GAPVD1: variants seen among roughly 807,000 people sequenced by gnomAD.
GAPVD1 encodes GTPase activating protein and VPS9 domains 1, also known as GTPase-activating protein and VPS9 domain-containing protein 1.
Under a neutral mutation model 155.5 loss-of-function variants are expected in GAPVD1, and 35 were observed. The ratio of observed to expected loss-of-function variants is 0.23; its 90% confidence interval spans 0.17 to 0.30. The LOEUF is 0.30. GAPVD1 is among the 10% of genes least tolerant of loss of function. The pLI is 1.00. For missense variants in GAPVD1, 1,429 were observed against 1,775.7 expected, an observed-to-expected ratio of 0.80 and a Z score of 3.51; for synonymous variants, 636 against 619.7, an observed-to-expected ratio of 1.03 and a Z score of -0.39.
chr9:125,321,295 T>G (rs2131505290), intron 9 of GAPVD1, 138 bp from the exon 10 acceptor site: 1 of 595,322 alleles, frequency 1.7e-6, no homozygotes, highest in East Asian at 2.9e-5. Context: ...ATTTAAAAGC[T>G]TGACAGACCT....
intron 20 of GAPVD1, 111 bp from the exon 21 acceptor site, chr9:125,349,279 C>A: frequency 1.2e-6 from 1 of 863,666 alleles, no homozygotes; most frequent in South Asian, 2.1e-5. Context: ...CCAGAGAACT[C>A]TTATTATTAG....
At chr9:125,326,047 A>G (rs984655938) in intron 11 of GAPVD1, among the ~76,000 whole-genome samples, 1 of 152,192 alleles carries the variant, frequency 6.6e-6, no homozygotes, top group Non-Finnish European at 1.5e-5. Flanking sequence ...ACAGCATGGA[A>G]TATATAGGAT....
chr9:125,304,972 A>G, intron 5 of GAPVD1, 91 bp from the exon 6 acceptor site: 1 of 793,154 alleles, frequency 1.3e-6, no homozygotes. Flanking sequence ...ACAGATTTTT[A>G]GAACAGAATA....
At chr9:125,357,123 C>G (rs1850196644) in intron 25 of GAPVD1, among the ~76,000 whole-genome samples, 1 of 152,178 alleles carries the variant, frequency 6.6e-6, no homozygotes, top group South Asian at 2.1e-4. Flanking sequence ...CCTGGCCTCT[C>G]CCCTGTTCTT....
intron 8 of GAPVD1, among the ~76,000 whole-genome samples, chr9:125,309,540 G>C (rs1235732790): frequency 6.6e-6 from 1 of 151,998 alleles, no homozygotes; most frequent in Non-Finnish European, 1.5e-5. Flanking sequence ...TTGCCATGTT[G>C]GCCAGGCTGG....
chr9:125,320,114 C>A (rs1216155833), intron 9 of GAPVD1, among the ~76,000 whole-genome samples: 8 of 152,082 alleles, frequency 5.3e-5, no homozygotes. Context: ...TGTATCGCCT[C>A]ACATATTTTT....
chr9:125,283,006 GTTAC>G (rs962577051), intron 2 of GAPVD1, among the ~76,000 whole-genome samples: 16 of 151,160 alleles, frequency 1.1e-4, no homozygotes, highest in African/African-American at 2.4e-4. Context: ...AATTCTAGCT[GTTAC>G]TTAAAGTTTA....
intron 9 of GAPVD1, among the ~76,000 whole-genome samples, chr9:125,313,289 TTTTTTC>T (rs890942691): frequency 3.3e-5 from 5 of 151,712 alleles, no homozygotes; most frequent in African/African-American, 9.7e-5. Context: ...ATGAATTTTT[TTTTTTC>T]TTTTTCTTTT....
chr9:125,312,615 A>T lies in GAPVD1; in HGVS notation c.1602+3A>T, dbSNP rs374067728. On this transcript the variant is annotated splice_donor_region_variant and intron_variant, in intron 9 of 27. Coordinates refer to ENST00000297933, the MANE Select transcript of GAPVD1 (RefSeq NM_001282680.3). Reference sequence around the variant, plus strand: ...CAGGGATGATGTCAGAAAATGAGGTATGAATCAGTTGCTTCTATAAATCAA... The same window carrying T: ...CAGGGATGATGTCAGAAAATGAGGTTTGAATCAGTTGCTTCTATAAATCAA... The T allele has an allele frequency of 6.3e-7, 1 of 1,577,350 alleles. No individual in the cohort carries two copies. Among genetic ancestry groups the T allele is most frequent in the Non-Finnish European group, 8.6e-7 (1 of 1,168,244 alleles).
chr9:125,307,424 C>A lies in GAPVD1; in HGVS notation c.1128C>A (p.Ala376=), dbSNP rs13299973. Residue 376 remains alanine, a synonymous_variant, in exon 7 of 28, where the codon GCC becomes GCA. Coordinates refer to ENST00000297933, the MANE Select transcript of GAPVD1 (RefSeq NM_001282680.3). ...SLGKFDKSCV[A]AFLDVVIGGR... ...TCCTGTTTTAACAGAGCTGTGTTGCCGCTTTCCTTGATGTTGTGATTGGGG... is the reference window on the plus strand; with the variant it reads ...TCCTGTTTTAACAGAGCTGTGTTGCAGCTTTCCTTGATGTTGTGATTGGGG... 112,580 of 1,601,560 alleles carry A rather than the reference C, an allele frequency of 0.07. 4,595 individuals carry two copies. Among genetic ancestry groups the A allele is most frequent in the Non-Finnish European group, 0.076 (89,327 of 1,174,658 alleles).
intron 9 of GAPVD1, 22 bp from the exon 10 acceptor site, chr9:125,321,411 A>G (rs763775694): frequency 2.1e-5 from 34 of 1,597,960 alleles, no homozygotes; most frequent in Non-Finnish European, 2.9e-5. Context: ...TGATAAACCA[A>G]AATTGACATT....
At chr9:125,293,460 T>C (rs1275568671) in intron 2 of GAPVD1, among the ~76,000 whole-genome samples, 3 of 150,090 alleles carry the variant, frequency 2.0e-5, no homozygotes, top group East Asian at 1.9e-4. Flanking sequence ...AATGGCTTTT[T>C]TTTTTTTTGA....
intron 23 of GAPVD1, among the ~76,000 whole-genome samples, chr9:125,352,919 T>C (rs3104549): frequency 0.86 from 130,606 of 152,002 alleles, 56,555 homozygotes; most frequent in African/African-American, 0.96. Flanking sequence ...CCAGCCTGGC[T>C]GACATGGTGA....
At chr9:125,303,299 G>A (rs928644727) in intron 5 of GAPVD1, among the ~76,000 whole-genome samples, 7 of 151,590 alleles carry the variant, frequency 4.6e-5, no homozygotes, top group African/African-American at 1.7e-4. Flanking sequence ...GATTACAGGC[G>A]TGAGCCACCA....
intron 2 of GAPVD1, among the ~76,000 whole-genome samples, chr9:125,270,639 T>C (rs1197995795): frequency 6.6e-6 from 1 of 151,988 alleles, no homozygotes. Context: ...TAATATTTAA[T>C]ATATATATAA....
chr9:125,318,227 T>C (rs1843736787), intron 9 of GAPVD1, among the ~76,000 whole-genome samples: 2 of 152,226 alleles, frequency 1.3e-5, no homozygotes, highest in African/African-American at 4.8e-5. Flanking sequence ...CCTCAGGTGA[T>C]CTGCCCACCT....
At chr9:125,284,386 G>A (rs893795691) in intron 2 of GAPVD1, among the ~76,000 whole-genome samples, 3 of 150,934 alleles carry the variant, frequency 2.0e-5, no homozygotes, top group Non-Finnish European at 4.4e-5. Context: ...CACCATGCTG[G>A]CCAGGGTGGT....
intron 1 of GAPVD1, among the ~76,000 whole-genome samples, chr9:125,266,075 G>A (rs142778605): frequency 6.6e-4 from 99 of 150,802 alleles, no homozygotes; most frequent in African/African-American, 2.3e-3. Context: ...ATAATTTCAC[G>A]TCTATAAGGG....
At chr9:125,332,099 T>G in intron 14 of GAPVD1, 39 bp downstream of exon 14, 1 of 1,587,844 alleles carries the variant, frequency 6.3e-7, no homozygotes, top group Non-Finnish European at 8.6e-7. Context: ...GATTTGAAGG[T>G]GTTCACCCCC....
Sources: allele counts gnomAD v4.1 joint callset (sites outside exome capture counted in the v4.1 genomes callset), GRCh38; gene constraint gnomAD v4.1.1; transcripts MANE v1.5; gene names NCBI Gene and HGNC (gene_info 2026-07-23, HGNC 2026-07-21).